The following RPGRIP1 variants were observed in gnomAD, a reference collection of about 807,000 sequenced individuals.
RPGRIP1 encodes the protein RPGR interacting protein 1.
A neutral mutation model predicts 157.9 loss-of-function variants in RPGRIP1; 128 were observed. The ratio of observed to expected loss-of-function variants is 0.81; its 90% CI spans 0.70 to 0.94. The LOEUF is 0.94. RPGRIP1 is among the 40% of genes least tolerant of loss of function. The probability of loss-of-function intolerance (pLI) is 0.00; values close to 1 mark genes in which losing one functional copy is unlikely to be tolerated. For synonymous variants in RPGRIP1, 554 were observed against 571.6 expected, an observed-to-expected ratio of 0.97 and a Z score of 0.44; for missense variants, 1,486 against 1,545.8, an observed-to-expected ratio of 0.96 and a Z score of 0.65.
intron 2 of RPGRIP1, among the ~76,000 whole-genome samples, chr14:21,292,477 T>C (rs1187693160): frequency 1.3e-5 from 2 of 152,148 alleles, no homozygotes; most frequent in African/African-American, 4.8e-5. Flanking sequence ...TCTCAGCACA[T>C]TGGGAGGCCA....
At chr14:21,344,924 A>G (rs1885407822) in intron 22 of RPGRIP1, among the ~76,000 whole-genome samples, 189 bp from the exon 23 acceptor site, 1 of 152,058 alleles carries the variant, frequency 6.6e-6, no homozygotes, top group Admixed American at 6.6e-5. Flanking sequence ...CTAGCCTGAC[A>G]CAGTAAGAAT....
intron 8 of RPGRIP1, 82 bp downstream of exon 8, chr14:21,310,689 C>A: frequency 1.3e-6 from 1 of 756,754 alleles, no homozygotes; most frequent in South Asian, 1.7e-5. Flanking sequence ...CTCCAAGTAA[C>A]ATAACACCAG....
At position 21,321,520 on chromosome 14, in the gene RPGRIP1, C is replaced by T. The variant is rs1030703519; in HGVS notation, c.1611+118C>T. ...GGCTGATACCAGGTGATGTGCTATC[C>T]TGAGCAAACACACAATGGCTGTCCT... On this transcript the variant is annotated intron_variant, in intron 13 of 24. Coordinates refer to ENST00000400017, the MANE Select transcript of RPGRIP1 (RefSeq NM_020366.4). 4.1e-6 allele frequency: 6 copies of T among 1,480,318 alleles called. No individual in the cohort carries two copies. In the Admixed American group the frequency reaches 1.6e-4, roughly 39 times the overall value. The allele number at this position is 1,480,318 out of a possible 1,614,324, so 91.7% of individuals were successfully genotyped here. A position where few individuals can be genotyped will look rare whatever the true frequency, so the allele number is the denominator to read the frequency against.
chr14:21,291,207 G>A (rs1021505301), intron 2 of RPGRIP1, among the ~76,000 whole-genome samples: 6 of 152,020 alleles, frequency 3.9e-5, no homozygotes, highest in African/African-American at 1.2e-4. Context: ...TCTTTATATT[G>A]TTGGTTTTAA....
At chr14:21,348,088 T>TAC in intron 23 of RPGRIP1, 84 bp from the exon 24 acceptor site, 1 of 1,139,142 alleles carries the variant, frequency 8.8e-7, no homozygotes. Context: ...GACGTTGTAT[T>TAC]GTTTATGATT....
chr14:21,339,005 G>A (rs758819731), intron 21 of RPGRIP1, among the ~76,000 whole-genome samples: 10 of 152,066 alleles, frequency 6.6e-5, no homozygotes, highest in Non-Finnish European at 1.3e-4. Context: ...GCGTGATGAC[G>A]GGTGCCTGTA....
At chr14:21,333,417 A>G (rs1010521243) in intron 20 of RPGRIP1, among the ~76,000 whole-genome samples, 9 of 152,190 alleles carry the variant, frequency 5.9e-5, no homozygotes, top group Admixed American at 5.2e-4. Context: ...AGACTTTGAA[A>G]TTTTACAGAA....
chr14:21,333,312 A>G (rs1252515641), intron 20 of RPGRIP1, among the ~76,000 whole-genome samples: 2 of 152,212 alleles, frequency 1.3e-5, no homozygotes, highest in Admixed American at 6.5e-5. Flanking sequence ...CCATTTCCAC[A>G]TATGTAGACA....
rs143652741 is a variant in RPGRIP1 at position 21,330,535 on chromosome 14, A to G, written c.3238+148A>G. ...ACAAAAATTAGCCGGGTATGGTGGCAGGCGCCTGTAATCCCAGCTACGTGG... is the reference window on the plus strand; with the variant it reads ...ACAAAAATTAGCCGGGTATGGTGGCGGGCGCCTGTAATCCCAGCTACGTGG... On this transcript the variant is annotated intron_variant, in intron 20 of 24. Coordinates refer to ENST00000400017, the MANE Select transcript of RPGRIP1 (RefSeq NM_020366.4). The G allele has an allele frequency of 9.2e-4, 456 of 493,156 alleles. 2 individuals carry two copies. Among genetic ancestry groups the G allele is most frequent in the Middle Eastern group, 6.2e-3 (11 of 1,784 alleles). 30.5% of individuals were successfully genotyped at this position (493,156 alleles called of 1,614,324 possible).
In RPGRIP1 at chr14:21,324,954, G is replaced by A. The variant is rs768190736; in HGVS notation, c.2099G>A (p.Arg700Gln). The A allele has an allele frequency of 1.7e-5, 27 of 1,613,870 alleles. No individual in the cohort carries two copies. The highest frequency in any genetic ancestry group is 1.3e-4 in the South Asian group (12 of 91,088). Residue 700 changes from arginine to glutamine, a missense_variant, in exon 15 of 25, where the codon CGG becomes CAG. Coordinates refer to ENST00000400017, the MANE Select transcript of RPGRIP1 (RefSeq NM_020366.4). The stretch of plus-strand genomic sequence containing the variant: ...CACTACCTTCAAGAGGCTTCAGCCC[G>A]GCTTGACATACACCAGGCCATGGCC... ...FLHYLQEASA[R>Q]LDIHQAMASE... is the part of the protein sequence containing the mutation.
chr14:21,333,831 G>C (rs1884040289), intron 20 of RPGRIP1, among the ~76,000 whole-genome samples: 1 of 152,042 alleles, frequency 6.6e-6, no homozygotes, highest in Non-Finnish European at 1.5e-5. Flanking sequence ...TGAAGGGGAG[G>C]GGACAAAGAC....
chr14:21,335,597 G>A (rs961784896), intron 21 of RPGRIP1, among the ~76,000 whole-genome samples: 4 of 152,132 alleles, frequency 2.6e-5, no homozygotes, highest in Non-Finnish European at 5.9e-5. Context: ...TTGGGAGGCC[G>A]AGACGGGTGG....
chr14:21,339,730 C>T (rs1005238729), intron 21 of RPGRIP1, among the ~76,000 whole-genome samples: 2 of 152,106 alleles, frequency 1.3e-5, no homozygotes, highest in African/African-American at 2.4e-5. Flanking sequence ...GCTTGATATT[C>T]ATGACTCTCT....
rs764999000 is a variant in RPGRIP1 at position 21,324,967 on chromosome 14, C to T, written c.2112C>T (p.His704=). ...AGGCTTCAGCCCGGCTTGACATACA[C>T]CAGGCCATGGCCAGTGAACACAGCA... ...LQEASARLDI[H]QAMASEHSTL... The change falls in exon 15 of 25, where the codon CAC becomes CAT. Residue 704 remains histidine, a synonymous_variant. Coordinates refer to ENST00000400017, the MANE Select transcript of RPGRIP1 (RefSeq NM_020366.4). 9 of 1,614,018 alleles carry T rather than the reference C, an allele frequency of 5.6e-6. No individual in the cohort carries two copies. Among genetic ancestry groups the T allele is most frequent in the East Asian group, 4.5e-5 (2 of 44,890 alleles).
rs59447072 is a variant in RPGRIP1 at position 21,302,865 on chromosome 14, G to GTTTTTTT, written c.587+297_587+303dup. On this transcript the variant is annotated intron_variant, in intron 5 of 24. Transcript: ENST00000400017. ...CCTTAGGTCATAATTCCTTTGTTGT[G>GTTTTTTT]TTTTTTTTTTTTTTTTTTTTTTGAG... 1.2e-3 allele frequency: 110 copies of GTTTTTTT among 88,222 alleles called. 1 individual carries two copies. Among genetic ancestry groups the GTTTTTTT allele is most frequent in the East Asian group, 1.8e-3 (5 of 2,786 alleles). The allele number at this position is 88,222 out of a possible 1,614,324, so 5.5% of individuals were successfully genotyped here.
intron 23 of RPGRIP1, among the ~76,000 whole-genome samples, chr14:21,345,808 A>T (rs967547597): frequency 6.6e-6 from 1 of 151,480 alleles, no homozygotes; most frequent in African/African-American, 2.4e-5. Context: ...AAATGGAATA[A>T]CAAAAAGTGT....
At chr14:21,283,141 T>C (rs1338271319) in intron 1 of RPGRIP1, among the ~76,000 whole-genome samples, 1 of 152,122 alleles carries the variant, frequency 6.6e-6, no homozygotes, top group East Asian at 1.9e-4. Flanking sequence ...AACAACAGCA[T>C]CCCTTCTACT....
chr14:21,329,175 C>A (rs749302415), intron 19 of RPGRIP1, among the ~76,000 whole-genome samples: 18 of 150,148 alleles, frequency 1.2e-4, no homozygotes, highest in Non-Finnish European at 2.1e-4. Context: ...ATTAGCCAGG[C>A]ATGGTGGTAT....
intron 3 of RPGRIP1, among the ~76,000 whole-genome samples, chr14:21,299,085 G>C (rs1253474551): frequency 1.3e-5 from 2 of 150,464 alleles, no homozygotes; most frequent in South Asian, 4.2e-4. Context: ...GCGTGATCTC[G>C]GCTCACCGCA....
Sources: allele counts gnomAD v4.1 joint callset (sites outside exome capture counted in the v4.1 genomes callset), GRCh38; gene constraint gnomAD v4.1.1; transcripts MANE v1.5; gene names NCBI Gene and HGNC (gene_info 2026-07-23, HGNC 2026-07-21).